The following DMAC2 variants were observed in gnomAD, a reference collection of about 807,000 sequenced individuals.
DMAC2 encodes distal membrane-arm assembly complex protein 2.
A neutral mutation model predicts 29.6 loss-of-function variants in DMAC2; 32 were observed. That is an observed-to-expected ratio of 1.08 (90% CI 0.81 to 1.45). DMAC2 has a LOEUF of 1.45. Ranked by LOEUF, DMAC2 falls within the 40% of genes most tolerant of loss-of-function variation. DMAC2 has a pLI of 0.00. For missense variants in DMAC2, 319 were observed against 340.0 expected (o/e 0.94, Z 0.49); for synonymous variants, 133 against 137.4 (o/e 0.97, Z 0.23).
chr19:41,433,749 A>G, intron 3 of DMAC2, 76 bp from the exon 4 acceptor site: 2 of 1,581,146 alleles, frequency 1.3e-6, no homozygotes, highest in Non-Finnish European at 8.6e-7. Context: ...AACCTTCCCC[A>G]GCCCTATATA....
chr19:41,432,276 C>T lies in DMAC2; in HGVS notation c.729G>A (p.Gly243=), dbSNP rs1040904774. The change falls in exon 6 of 6, where the codon GGG becomes GGA. Residue 243 remains glycine, a synonymous_variant. Transcript: ENST00000221943. ...CTGTGTCCCGAGGCTGCTCCTCCGG[C>T]CCTGACTTCAGGCCCTCAGCCCAGT... ...GVDWAEGLKS[G]PEEQPRDTAS... The T allele has an allele frequency of 1.9e-6, 3 of 1,614,030 alleles. No individual in the cohort carries two copies. Among genetic ancestry groups the T allele is most frequent in the African/African-American group, 2.7e-5 (2 of 74,936 alleles).
intron 5 of DMAC2, chr19:41,432,659 T>TGC: frequency 2.3e-6 from 1 of 438,444 alleles, no homozygotes; most frequent in East Asian, 4.7e-5. Context: ...ACAGCGTGTG[T>TGC]GTGTGTGTGT....
chr19:41,432,636 A>C (rs1599986496), intron 5 of DMAC2: 2 of 385,152 alleles, frequency 5.2e-6, no homozygotes, highest in Non-Finnish European at 9.1e-6. Flanking sequence ...GTGTGTGTGT[A>C]GGGAGGTACA....
intron 3 of DMAC2, 123 bp downstream of exon 3, chr19:41,436,269 G>T: frequency 1.3e-6 from 1 of 792,046 alleles, no homozygotes. Context: ...CAAGTCCCAA[G>T]CCACACAGCC....
At chr19:41,432,787 TG>T in intron 5 of DMAC2, 1 of 130,512 alleles carries the variant, frequency 7.7e-6, no homozygotes, top group Non-Finnish European at 1.5e-5. Flanking sequence ...AGCGTGCGTG[TG>T]TGTGTGTGTG....
Position 41,431,638 on chromosome 19 carries a change from T to C in DMAC2, c.*593A>G, listed in dbSNP as rs1427106115. ...GAAGGAGGCGCCTTTCCTCCTATAA[T>C]GCCTGTTTGGTGCCCTCTACTGACA... On this transcript the variant is annotated 3_prime_UTR_variant, in exon 6 of 6. Coordinates refer to ENST00000221943, the MANE Select transcript of DMAC2 (RefSeq NM_018035.3). 3.5e-6 allele frequency: 1 copy of C among 283,660 alleles called. No homozygotes were observed. Among genetic ancestry groups the C allele is most frequent in the African/African-American group, 2.2e-5 (1 of 45,220 alleles). The allele number at this position is 283,660 out of a possible 1,614,324, so 17.6% of individuals were successfully genotyped here. A position where few individuals can be genotyped will look rare whatever the true frequency, so the allele number is the denominator to read the frequency against.
chr19:41,436,965 G>A (rs2039895647), intron 2 of DMAC2, among the ~76,000 whole-genome samples: 1 of 152,206 alleles, frequency 6.6e-6, no homozygotes, highest in Admixed American at 6.5e-5. Context: ...GGGATGTCAT[G>A]CTGAAGGGGC....
At position 41,438,388 on chromosome 19, in the gene DMAC2, C is replaced by G. The variant is rs782627538; in HGVS notation, c.45G>C (p.Trp15Cys). 23 of 1,613,938 alleles carry G rather than the reference C, an allele frequency of 1.4e-5. No individual in the cohort carries two copies. The change falls in exon 2 of 6, where the codon TGG becomes TGC. Residue 15 changes from tryptophan to cysteine, a missense_variant. Trp to Cys is a radical substitution (Grantham distance 215, BLOSUM62 -2). Coordinates refer to ENST00000221943, the MANE Select transcript of DMAC2 (RefSeq NM_018035.3). ...WASLRLVAPMWNGRIRGIHRL... is the reference protein window; with the variant it reads ...WASLRLVAPMCNGRIRGIHRL... ...GATGGATGCCCCTGATACGCCCATT[C>G]CACATGGGGGCGACCAGGCGCAGGG... is the stretch of plus-strand genomic sequence containing the variant.
Position 41,438,208 on chromosome 19 carries a change from G to A in DMAC2, c.215+10C>T. On this transcript the variant is annotated intron_variant, in intron 2 of 5. Transcript: ENST00000221943. ...GTCTCCACAGGGTCTTGCAGACCAGGGATTCTCACCGATTTTTCTCATGCA... is the reference window on the plus strand; with the variant it reads ...GTCTCCACAGGGTCTTGCAGACCAGAGATTCTCACCGATTTTTCTCATGCA... The A allele has an allele frequency of 6.2e-7, 1 of 1,611,408 alleles. No individual in the cohort carries two copies. The highest frequency in any genetic ancestry group is 8.5e-7 in the Non-Finnish European group (1 of 1,178,186).
rs1555768763 is a variant in DMAC2 at position 41,431,534 on chromosome 19, G to A, written c.*697C>T. On this transcript the variant is annotated 3_prime_UTR_variant, in exon 6 of 6. Transcript: ENST00000221943. ...TGCCAAGGGCAGCTGCTGACCGCCT[G>A]GTGCTTCAGGAGCTGGGTGCTGGGG... The A allele has an allele frequency of 2.9e-6, 1 of 348,898 alleles. No individual in the cohort carries two copies. The highest frequency in any genetic ancestry group is 5.6e-6 in the Non-Finnish European group (1 of 177,402). The allele number at this position is 348,898 out of a possible 1,614,324, so 21.6% of individuals were successfully genotyped here.
At position 41,434,948 on chromosome 19, in the gene DMAC2, GTGAGCC is replaced by G. The variant is rs550145816; in HGVS notation, c.297-1281_297-1276del. Among the ~76,000 whole-genome samples the G allele has an allele frequency of 3.4e-4, 51 of 151,732 alleles. No homozygotes were observed. In the East Asian group the frequency reaches 8.8e-3, roughly 26 times the overall value. On this transcript the variant is annotated intron_variant, in intron 3 of 5. Coordinates refer to ENST00000221943, the MANE Select transcript of DMAC2 (RefSeq NM_018035.3). ...TTGAACCCAGGAGATGGAGGTTGCA[GTGAGCC>G]GAGATTGTGCCACTGCACTCTAGCC...
rs1442309035 is a variant in DMAC2 at position 41,439,893 on chromosome 19, C to T, written c.7G>A (p.Ala3Thr). ...CTCCGGTCACTTACCGCCCAGGGAG[C>T]CGCCATCTTGCTAAGGTTTCGTAAC... The part of the protein sequence containing the change: MA[A>T]PWASLRLVAP... Residue 3 changes from alanine (A) to threonine (T), a missense_variant, in exon 1 of 6, where the codon GCT becomes ACT. Transcript: ENST00000221943. 3 of 1,614,224 alleles carry T rather than the reference C, an allele frequency of 1.9e-6. No individual in the cohort carries two copies. The highest frequency in any genetic ancestry group is 1.1e-5 in the South Asian group (1 of 91,084).
At chr19:41,439,756 G>T in intron 1 of DMAC2, 126 bp downstream of exon 1, 2 of 1,505,220 alleles carry the variant, frequency 1.3e-6, no homozygotes, top group East Asian at 4.6e-5. Context: ...CTCCCAGTAC[G>T]GGGCTTGCCA....
At chr19:41,432,560 AGTGTGT>A (rs1352724453) in intron 5 of DMAC2, 152 bp from the exon 6 acceptor site, 41 of 602,864 alleles carry the variant, frequency 6.8e-5, no homozygotes, top group African/African-American at 1.5e-4. Context: ...GGTACAGGAC[AGTGTGT>A]GCGTGTGTGT....
chr19:41,434,565 A>G (rs1018400016), intron 3 of DMAC2, among the ~76,000 whole-genome samples: 5 of 152,090 alleles, frequency 3.3e-5, no homozygotes, highest in Non-Finnish European at 7.3e-5. Flanking sequence ...TTTCTAAGGA[A>G]GTTGCCAGAG....
In DMAC2 at chr19:41,433,664, G is replaced by A. The variant is rs978707978; in HGVS notation, c.306C>T (p.Asp102=). 3 of 1,614,166 alleles carry A rather than the reference G, an allele frequency of 1.9e-6. No homozygotes were observed. Among genetic ancestry groups the A allele is most frequent in the Non-Finnish European group, 2.5e-6 (3 of 1,180,032 alleles). The change falls in exon 4 of 6, where the codon GAC becomes GAT. Residue 102 remains aspartate, a synonymous_variant. Transcript: ENST00000221943. The part of the protein sequence containing the change: ...LKQGGAVKFR[D]KEWIRPDKYG... ...ACTTATCTGGCCTGATCCACTCCTT[G>A]TCTCGAAACCTGGAAACGGGAAAGG...
At chr19:41,436,566 C>G (rs1004766526) in intron 2 of DMAC2, 94 bp from the exon 3 acceptor site, 2 of 988,078 alleles carry the variant, frequency 2.0e-6, no homozygotes, top group Non-Finnish European at 3.2e-6. Flanking sequence ...GTCCAGAGAA[C>G]CAGGCACACA....
At chr19:41,432,886 G>C in intron 5 of DMAC2, 1 of 524,368 alleles carries the variant, frequency 1.9e-6, no homozygotes, top group Non-Finnish European at 3.4e-6. Flanking sequence ...GTGTGTGCGT[G>C]CGTGCATGCG....
chr19:41,432,730 TAGGGAGGTACAGACAGCGTGTGC>T (rs2039614477), intron 5 of DMAC2: 11 of 356,288 alleles, frequency 3.1e-5, no homozygotes, highest in African/African-American at 2.6e-4. Context: ...TGTGTGTGTG[TAGGGAGGTACAGACAGCGTGTGC>T]GTGTGTGTAG....
Sources: allele counts gnomAD v4.1 joint callset (sites outside exome capture counted in the v4.1 genomes callset), GRCh38; gene constraint gnomAD v4.1.1; transcripts MANE v1.5; gene names NCBI Gene and HGNC (gene_info 2026-07-23, HGNC 2026-07-21).